Variants in GAPDHS observed in about 807,000 individuals in gnomAD.
GAPDHS encodes glyceraldehyde-3-phosphate dehydrogenase, spermatogenic.
Under a neutral mutation model 48.7 loss-of-function variants are expected in GAPDHS, and 42 were observed. The ratio of observed to expected loss-of-function variants is 0.86; its 90% CI spans 0.67 to 1.12. The LOEUF (loss-of-function observed/expected upper bound fraction) is 1.12. Among genes scored for constraint, GAPDHS ranks in the 50% most tolerant of loss-of-function variants. The pLI is 0.00. For synonymous variants in GAPDHS, 166 were observed against 219.1 expected (o/e 0.76, Z 2.14); for missense variants, 512 against 557.7 (o/e 0.92, Z 0.82).
chr19:35,534,317 G>A (rs2071451564), intron 1 of GAPDHS, among the ~76,000 whole-genome samples: 1 of 152,204 alleles, frequency 6.6e-6, no homozygotes, highest in South Asian at 2.1e-4. Context: ...GGGTAGGTGG[G>A]GCTGGGGCTT....
At chr19:35,543,929 AG>A in intron 9 of GAPDHS, 102 bp downstream of exon 9, 1 of 1,436,232 alleles carries the variant, frequency 7.0e-7, no homozygotes, top group African/African-American at 1.4e-5. Context: ...CAGAAACTGC[AG>A]GGCAGGAAGG....
intron 1 of GAPDHS, 74 bp from the exon 2 acceptor site, chr19:35,536,739 C>A: frequency 7.7e-7 from 1 of 1,296,910 alleles, no homozygotes; most frequent in Non-Finnish European, 1.1e-6. Context: ...GCAACAGATT[C>A]TGGGCAGCAA....
At chr19:35,538,460 T>A in intron 3 of GAPDHS, 57 bp downstream of exon 3, 2 of 1,280,742 alleles carry the variant, frequency 1.6e-6, no homozygotes, top group Non-Finnish European at 2.3e-6. Context: ...GGAAAGGGAC[T>A]CAGGGAAGCT....
intron 4 of GAPDHS, chr19:35,542,034 G>A (rs766214593): frequency 2.2e-6 from 1 of 459,358 alleles, no homozygotes; most frequent in Non-Finnish European, 4.0e-6. Flanking sequence ...CAGCATTGGC[G>A]CCTCTGAGGA....
chr19:35,535,599 C>T (rs908940901), intron 1 of GAPDHS, among the ~76,000 whole-genome samples: 20 of 152,110 alleles, frequency 1.3e-4, no homozygotes, highest in African/African-American at 4.8e-4. Context: ...GTTGGTCAGA[C>T]TGGTCTCAAA....
rs1167685652 is a variant in GAPDHS at position 35,543,173 on chromosome 19, G to A, written c.741+147G>A. 3.0e-6 allele frequency: 3 copies of A among 993,246 alleles called. No individual in the cohort carries two copies. The Admixed American group carries it at 6.0e-5, about 20-fold the overall frequency. The allele number at this position is 993,246 out of a possible 1,614,324, so 61.5% of individuals were successfully genotyped here. On this transcript the variant is annotated intron_variant, in intron 7 of 10. Coordinates refer to ENST00000222286, the MANE Select transcript of GAPDHS (RefSeq NM_014364.5). ...GTGCAGAAGTCACTTAAAACACTGT[G>A]CAACCCTCAGGCAAGGCTGGACCCT...
rs760372481 is a variant in GAPDHS at position 35,538,319 on chromosome 19, C to T, written c.258C>T (p.Ile86=). Residue 86 remains isoleucine (I), a synonymous_variant, in exon 3 of 11, where the codon ATC becomes ATT. Coordinates refer to ENST00000222286, the MANE Select transcript of GAPDHS (RefSeq NM_014364.5). ...LTVGINGFGR[I]GRLVLRACME... is the part of the protein sequence containing the mutation. ...TGTCCCTGGCCAGATTTGGACGCATCGGTCGCCTGGTCCTGCGCGCCTGCA... is the reference window on the plus strand; with the variant it reads ...TGTCCCTGGCCAGATTTGGACGCATTGGTCGCCTGGTCCTGCGCGCCTGCA... The T allele has an allele frequency of 2.2e-5, 35 of 1,612,514 alleles. No homozygotes were observed. Among genetic ancestry groups the T allele is most frequent in the Non-Finnish European group, 2.5e-5 (29 of 1,178,968 alleles).
intron 4 of GAPDHS, among the ~76,000 whole-genome samples, chr19:35,539,415 C>G (rs1315046835): frequency 6.6e-6 from 1 of 152,158 alleles, no homozygotes; most frequent in Non-Finnish European, 1.5e-5. Flanking sequence ...CTTTAGAATG[C>G]CCTGGGCCGA....
At chr19:35,538,507 C>T (rs1825132845) in intron 3 of GAPDHS, 70 bp from the exon 4 acceptor site, 2 of 1,272,112 alleles carry the variant, frequency 1.6e-6, no homozygotes, top group Non-Finnish European at 2.3e-6. Context: ...GAGACCTTCA[C>T]CAAAGAGGGG....
chr19:35,537,040 C>G, intron 2 of GAPDHS, 50 bp downstream of exon 2: 1 of 1,434,794 alleles, frequency 7.0e-7, no homozygotes, highest in Non-Finnish European at 9.5e-7. Context: ...AGCCCAGCCC[C>G]TCCTCTGGCT....
rs77001320 is a variant in GAPDHS, at chr19:35,544,039, G to A, written c.1056+212G>A. The A allele has an allele frequency of 8.1e-3, 6,507 of 800,434 alleles. 29 individuals carry two copies. The highest frequency in any genetic ancestry group is 9.8e-3 in the Non-Finnish European group (5,486 of 558,178). 49.6% of individuals were successfully genotyped at this position (800,434 alleles called of 1,614,324 possible). On this transcript the variant is annotated intron_variant, in intron 9 of 10. Coordinates refer to ENST00000222286, the MANE Select transcript of GAPDHS (RefSeq NM_014364.5). Reference sequence around the variant, plus strand: ...TACAGTCTGTCCTTACTTCCTCCAAGTCTCTGGAGGAACCTCCCTCTTCAG... The same window carrying A: ...TACAGTCTGTCCTTACTTCCTCCAAATCTCTGGAGGAACCTCCCTCTTCAG...
At chr19:35,536,713 G>A (rs1164917860) in intron 1 of GAPDHS, 100 bp from the exon 2 acceptor site, 13 of 968,894 alleles carry the variant, frequency 1.3e-5, no homozygotes, top group Middle Eastern at 2.3e-4. Flanking sequence ...GGTTGGTCAC[G>A]AGGGGCCAGG....
In GAPDHS at chr19:35,542,426, T is replaced by C; in HGVS notation, c.540+17T>C. Reference sequence around the variant, plus strand: ...GCAGCTTCGGTAAGCTGGGGAGAGGTGCCCAGGGCTAGCTGGGGGGATGAT... The same window carrying C: ...GCAGCTTCGGTAAGCTGGGGAGAGGCGCCCAGGGCTAGCTGGGGGGATGAT... On this transcript the variant is annotated intron_variant, in intron 5 of 10. Transcript: ENST00000222286. The C allele has an allele frequency of 6.2e-7, 1 of 1,604,854 alleles. No individual in the cohort carries two copies.
chr19:35,542,101 G>A (rs2071507201), intron 4 of GAPDHS: 1 of 573,860 alleles, frequency 1.7e-6, no homozygotes, highest in South Asian at 2.0e-5. Flanking sequence ...CAGGGGTGGT[G>A]CAATCAGCAA....
chr19:35,538,610 C>A lies in GAPDHS; in HGVS notation c.376C>A (p.Arg126=). Residue 126 remains arginine, a synonymous_variant, in exon 4 of 11, where the codon CGA becomes AGA. Transcript: ENST00000222286. ...GTTTAAGTATGACTCCACCCACGGCCGATACAAGGGAAGTGTGGAATTCAG... is the reference window on the plus strand; with the variant it reads ...GTTTAAGTATGACTCCACCCACGGCAGATACAAGGGAAGTGTGGAATTCAG... ...YMFKYDSTHG[R]YKGSVEFRNG... is the part of the protein sequence containing the mutation. The A allele has an allele frequency of 4.3e-6, 7 of 1,611,338 alleles. No individual in the cohort carries two copies. The highest frequency in any genetic ancestry group is 5.9e-6 in the Non-Finnish European group (7 of 1,177,580).
rs368993223 is a variant in GAPDHS, at chr19:35,543,036, G to C, written c.741+10G>C. ...CGTGGAAGGGTTGATGGTGAGTTGAGGATGAGGGGCTGGGGCAGGAAGGAT... is the reference window on the plus strand; with the variant it reads ...CGTGGAAGGGTTGATGGTGAGTTGACGATGAGGGGCTGGGGCAGGAAGGAT... On this transcript the variant is annotated intron_variant, in intron 7 of 10. Coordinates refer to ENST00000222286, the MANE Select transcript of GAPDHS (RefSeq NM_014364.5). 2.1e-5 allele frequency: 34 copies of C among 1,598,386 alleles called. No individual in the cohort carries two copies. The African/African-American group carries it at 4.4e-4, about 21-fold the overall frequency.
intron 4 of GAPDHS, 120 bp downstream of exon 4, chr19:35,538,803 G>A: frequency 1.4e-6 from 1 of 697,122 alleles, no homozygotes; most frequent in South Asian, 1.5e-5. Context: ...AAAATTGCGT[G>A]TGCATGCCTC....
chr19:35,543,364 A>T lies in GAPDHS; in HGVS notation c.766A>T (p.Thr256Ser). Residue 256 changes from threonine to serine, a missense_variant, in exon 8 of 11, where the codon ACC (threonine) becomes TCC (serine). Physicochemically the swap from Thr to Ser is moderately conservative, Grantham distance 58. Transcript: ENST00000222286. The stretch of plus-strand genomic sequence containing the variant: ...GACCACAGTCCATTCCTACACGGCC[A>T]CCCAGAAGACAGTGGACGGGCCATC... The part of the protein sequence containing the change: ...LMTTVHSYTA[T>S]QKTVDGPSRK... 1.2e-6 allele frequency: 2 copies of T among 1,612,918 alleles called. No homozygotes were observed. The highest frequency in any genetic ancestry group is 1.7e-6 in the Non-Finnish European group (2 of 1,179,638).
At chr19:35,543,908 A>G (rs2071525169) in intron 9 of GAPDHS, 81 bp downstream of exon 9, 3 of 1,455,382 alleles carry the variant, frequency 2.1e-6, no homozygotes, top group East Asian at 2.5e-5. Context: ...GCTGCTCTCA[A>G]TGTGCCAAGT....
Sources: gnomAD v4.1 joint callset for allele counts (sites outside exome capture counted in the v4.1 genomes callset) on GRCh38, gnomAD v4.1.1 for gene constraint, MANE v1.5 for transcripts, NCBI Gene and HGNC (gene_info 2026-07-23, HGNC 2026-07-21) for gene names.